The following MSL2 variants were observed in gnomAD, a reference collection of about 807,000 sequenced individuals.
MSL2 encodes E3 ubiquitin-protein ligase MSL2.
A neutral mutation model predicts 35.8 loss-of-function variants in MSL2; 2 were observed. The observed-to-expected ratio is 0.06, with a 90% confidence interval of 0.02 to 0.18. The LOEUF is 0.18. Among genes scored for constraint, MSL2 ranks in the 10% least tolerant of loss-of-function variants. The pLI, the probability that MSL2 is intolerant of heterozygous loss-of-function variation, is 1.00. For missense variants in MSL2, 523 were observed against 706.7 expected (o/e 0.74, Z 2.95); for synonymous variants, 296 against 255.7 (o/e 1.16, Z -1.50).
At chr3:136,175,137 A>T (rs1256017268) in intron 1 of MSL2, among the ~76,000 whole-genome samples, 1 of 152,076 alleles carries the variant, frequency 6.6e-6, no homozygotes, top group Non-Finnish European at 1.5e-5. Flanking sequence ...CGAGGTCAGG[A>T]GTTCGATACC....
chr3:136,174,009 A>G (rs1940100530), intron 1 of MSL2, among the ~76,000 whole-genome samples: 1 of 152,188 alleles, frequency 6.6e-6, no homozygotes. Context: ...CAATTCAAAT[A>G]TGACCTCCAA....
chr3:136,181,192 T>C (rs1940350229), intron 1 of MSL2, among the ~76,000 whole-genome samples: 2 of 151,852 alleles, frequency 1.3e-5, no homozygotes, highest in African/African-American at 2.4e-5. Flanking sequence ...GAACCAAATA[T>C]TTAGAATCAT....
In MSL2 at chr3:136,195,176, C is replaced by G; in HGVS notation, c.-63G>C. 2 of 1,562,662 alleles carry G rather than the reference C, an allele frequency of 1.3e-6. No individual in the cohort carries two copies. Among genetic ancestry groups the G allele is most frequent in the Non-Finnish European group, 1.7e-6 (2 of 1,156,832 alleles). On this transcript the variant is annotated 5_prime_UTR_variant, in exon 1 of 2. Coordinates refer to ENST00000309993, the MANE Select transcript of MSL2 (RefSeq NM_018133.4). ...GAAATTCCGGATCCAACTTAGTAAGCAGCCAGGGAACGATGGCGAATTTGC... is the reference window on the plus strand; with the variant it reads ...GAAATTCCGGATCCAACTTAGTAAGGAGCCAGGGAACGATGGCGAATTTGC...
At chr3:136,157,321 A>C (rs1051859790) in intron 1 of MSL2, among the ~76,000 whole-genome samples, 1 of 151,372 alleles carries the variant, frequency 6.6e-6, no homozygotes, top group Non-Finnish European at 1.5e-5. Context: ...AGCCTGGCCA[A>C]TATGGTAAAA....
intron 1 of MSL2, among the ~76,000 whole-genome samples, chr3:136,156,868 CTAAA>C (rs1002751737): frequency 3.2e-4 from 48 of 152,020 alleles, no homozygotes; most frequent in African/African-American, 1.0e-3. Flanking sequence ...AGCAAACAAA[CTAAA>C]TAAATAAATA....
At chr3:136,190,879 T>C (rs1446607078) in intron 1 of MSL2, among the ~76,000 whole-genome samples, 1 of 152,348 alleles carries the variant, frequency 6.6e-6, no homozygotes, top group South Asian at 2.1e-4. Flanking sequence ...TTCTGTGGCC[T>C]AGAAAGTACA....
chr3:136,183,811 AACT>A (rs1940434995), intron 1 of MSL2, among the ~76,000 whole-genome samples: 2 of 152,346 alleles, frequency 1.3e-5, no homozygotes, highest in African/African-American at 2.4e-5. Flanking sequence ...TAACTGACAA[AACT>A]ACTAAGAGTC....
rs191525763 is a variant in MSL2 at position 136,168,500 on chromosome 3, C to G, written c.143-15762G>C. Among the ~76,000 whole-genome samples the G allele has an allele frequency of 2.0e-5, 3 of 152,262 alleles. No homozygotes were observed. In the East Asian group the frequency reaches 5.8e-4, roughly 29 times the overall value. ...GCTGGAAACCATCATTCTCAGCAAA[C>G]TAACACAAGAACACAAAACCAAACA... On this transcript the variant is annotated intron_variant, in intron 1 of 1. Transcript: ENST00000309993.
intron 1 of MSL2, among the ~76,000 whole-genome samples, chr3:136,192,183 A>G (rs1481162059): frequency 6.6e-6 from 1 of 152,110 alleles, no homozygotes; most frequent in African/African-American, 2.4e-5. Flanking sequence ...TAACTTTTTT[A>G]TTTTTTTGAG....
intron 1 of MSL2, among the ~76,000 whole-genome samples, chr3:136,165,453 A>C (rs538227085): frequency 6.6e-6 from 1 of 152,196 alleles, no homozygotes; most frequent in Non-Finnish European, 1.5e-5. Flanking sequence ...CAAGTCAGTC[A>C]ATTTTAAATT....
chr3:136,162,290 G>C (rs1939729926), intron 1 of MSL2, among the ~76,000 whole-genome samples: 2 of 144,850 alleles, frequency 1.4e-5, no homozygotes, highest in South Asian at 4.5e-4. Context: ...AAAAAAAAAA[G>C]AGGGCTACCA....
chr3:136,163,696 T>G (rs1487732215), intron 1 of MSL2, among the ~76,000 whole-genome samples: 1 of 152,184 alleles, frequency 6.6e-6, no homozygotes, highest in Non-Finnish European at 1.5e-5. Flanking sequence ...TGAATTGTAA[T>G]CCCCATAATC....
Position 136,151,065 on chromosome 3 carries a change from G to A in MSL2, c.*82C>T. 6.9e-7 allele frequency: 1 copy of A among 1,457,084 alleles called. No individual in the cohort carries two copies. Among genetic ancestry groups the A allele is most frequent in the Non-Finnish European group, 9.4e-7 (1 of 1,065,222 alleles). The allele number at this position is 1,457,084 out of a possible 1,614,324, so 90.3% of individuals were successfully genotyped here. A position where few individuals can be genotyped will look rare whatever the true frequency, so the allele number is the denominator to read the frequency against. On this transcript the variant is annotated 3_prime_UTR_variant, in exon 2 of 2. Transcript: ENST00000309993. This position sits in a 1 kb window ranked among gnomAD's most constrained non-coding sequence, Gnocchi z 5.2. ...AAGTGATCTATATGCAGGAGCTCCG[G>A]CAAGTTAAACCAACAGAACCATAGC...
intron 1 of MSL2, among the ~76,000 whole-genome samples, chr3:136,188,401 T>C (rs1251424403): frequency 1.4e-5 from 2 of 145,884 alleles, no homozygotes; most frequent in Admixed American, 7.1e-5. Flanking sequence ...ACCACTGCAG[T>C]CCAGCCTGAC....
rs148551868 is a variant in MSL2, at chr3:136,172,450, C to A, written c.143-19712G>T. On this transcript the variant is annotated intron_variant, in intron 1 of 1. Transcript: ENST00000309993. ...TTCAACCTTCCTTCCTATAGCAACT[C>A]CCCATCCAGTTATTCCCTATGCAGA... Among the ~76,000 whole-genome samples the A allele has an allele frequency of 1.8e-3, 280 of 152,228 alleles. 1 individual carries two copies. The highest frequency in any genetic ancestry group is 6.3e-3 in the African/African-American group (263 of 41,524).
chr3:136,162,529 G>A (rs748813907), intron 1 of MSL2, among the ~76,000 whole-genome samples: 18 of 152,058 alleles, frequency 1.2e-4, no homozygotes, highest in Non-Finnish European at 1.8e-4. Flanking sequence ...GCAGTGAGCC[G>A]AGATTGCGCC....
intron 1 of MSL2, among the ~76,000 whole-genome samples, chr3:136,178,674 A>C (rs959067396): frequency 6.6e-6 from 1 of 151,556 alleles, no homozygotes. Flanking sequence ...CTGGGAAATT[A>C]CAGGCGCCCA....
rs115556503 is a variant in MSL2 at position 136,154,360 on chromosome 3, C to T, written c.143-1622G>A. ...AATGAAGTAGTCCCCCGACTTGACA[C>T]AATTCTCAAATTATCAATGACATAT... On this transcript the variant is annotated intron_variant, in intron 1 of 1. Transcript: ENST00000309993. Among the ~76,000 whole-genome samples the T allele has an allele frequency of 3.9e-3, 590 of 152,254 alleles. 4 individuals carry two copies. Among genetic ancestry groups the T allele is most frequent in the African/African-American group, 0.014 (565 of 41,564 alleles).
At chr3:136,170,953 T>C (rs529649724) in intron 1 of MSL2, among the ~76,000 whole-genome samples, 2 of 152,320 alleles carry the variant, frequency 1.3e-5, no homozygotes, top group Non-Finnish European at 2.9e-5. Context: ...AGGCCAATTA[T>C]ATGCCAAGAT....
Sources: allele counts gnomAD v4.1 joint callset (sites outside exome capture counted in the v4.1 genomes callset), GRCh38; gene constraint gnomAD v4.1.1; non-coding constraint Gnocchi (gnomAD v3.1); transcripts MANE v1.5; gene names NCBI Gene and HGNC (gene_info 2026-07-23, HGNC 2026-07-21).